Variants in ZNF831 observed in about 807,000 individuals in gnomAD.
ZNF831 encodes the protein chromosome 20 open reading frame 174.
ZNF831 carries 59 observed loss-of-function variants against 95.8 expected under a neutral mutation model. The ratio of observed to expected loss-of-function variants is 0.62; its 90% confidence interval spans 0.50 to 0.77. The LOEUF is 0.77. Among genes scored for constraint, ZNF831 ranks in the 30% least tolerant of loss-of-function variants. ZNF831 has a pLI of 0.00. For missense variants in ZNF831, 2,205 were observed against 2,164.0 expected, an observed-to-expected ratio of 1.02 and a Z score of -0.38; for synonymous variants, 961 against 925.5, an observed-to-expected ratio of 1.04 and a Z score of -0.70.
chr20:59,165,874 T>C (rs1204866724), intron 1 of ZNF831, among the ~76,000 whole-genome samples: 1 of 152,130 alleles, frequency 6.6e-6, no homozygotes, highest in South Asian at 2.1e-4. Flanking sequence ...CTCAGCCTCC[T>C]GAGTAGCTGG....
intron 1 of ZNF831, among the ~76,000 whole-genome samples, chr20:59,125,943 G>A (rs1979158833): frequency 6.6e-6 from 1 of 152,120 alleles, no homozygotes. Context: ...CACCAGGTGG[G>A]TGCAACGAGA....
In ZNF831 at chr20:59,173,343, C is replaced by T. The variant is rs1981889845; in HGVS notation, c.-37+9136C>T. Among the ~76,000 whole-genome samples the T allele has an allele frequency of 2.6e-5, 4 of 152,306 alleles. No individual in the cohort carries two copies. In the South Asian group the frequency reaches 8.3e-4, roughly 32 times the overall value. ...TTTGTTTGATTTTCAGCAACATCAG[C>T]CCTGTGGCTACAAAAATGAGACATT... On this transcript the variant is annotated intron_variant, in intron 1 of 5. Coordinates refer to ENST00000371030, the MANE Select transcript of ZNF831 (RefSeq NM_178457.3).
chr20:59,156,227 G>C (rs948621026), intron 2 of ZNF831, among the ~76,000 whole-genome samples: 1 of 152,144 alleles, frequency 6.6e-6, no homozygotes, highest in African/African-American at 2.4e-5. Context: ...ATGATCTACT[G>C]TCTTAGAAAA....
intron 1 of ZNF831, among the ~76,000 whole-genome samples, chr20:59,174,695 T>C (rs1413322757): frequency 1.3e-5 from 2 of 151,646 alleles, no homozygotes; most frequent in Admixed American, 6.6e-5. Context: ...GTATGTGCAC[T>C]CCAGCCTGGG....
intron 1 of ZNF831, among the ~76,000 whole-genome samples, chr20:59,167,734 T>C (rs544614243): frequency 2.0e-5 from 3 of 152,280 alleles, no homozygotes; most frequent in African/African-American, 7.2e-5. Flanking sequence ...ACACTCTCTC[T>C]ACAGAACTGC....
In ZNF831 at chr20:59,257,284, C is replaced by T. The variant is rs1988230220; in HGVS notation, c.*2541C>T. 6.6e-6 allele frequency: 1 copy of T among 152,128 alleles called. No homozygotes were observed. The highest frequency in any genetic ancestry group is 6.5e-5 in the Admixed American group (1 of 15,278). The allele number at this position is 152,128 out of a possible 1,614,324, so 9.4% of individuals were successfully genotyped here. On this transcript the variant is annotated 3_prime_UTR_variant, in exon 6 of 6. Transcript: ENST00000371030. ...GTGGCTGGCAATGTTTACAAGTGTA[C>T]CTTACTTTATATCAACATGAATTTG...
chr20:59,220,205 T>C (rs1327160139), intron 4 of ZNF831, among the ~76,000 whole-genome samples: 1 of 152,160 alleles, frequency 6.6e-6, no homozygotes, highest in African/African-American at 2.4e-5. Flanking sequence ...CTGGAACCAG[T>C]AGCCAAATAG....
chr20:59,206,213 A>G (rs1984883898), intron 3 of ZNF831, among the ~76,000 whole-genome samples: 1 of 151,504 alleles, frequency 6.6e-6, no homozygotes, highest in Non-Finnish European at 1.5e-5. Context: ...CTAGATGAAA[A>G]TAAATATAAA....
chr20:59,193,696 G>C lies in ZNF831; in HGVS notation c.2677G>C (p.Ala893Pro). The change falls in exon 2 of 6, where the codon GCC becomes CCC. Residue 893 changes from alanine to proline, a missense_variant. Physicochemically the swap from Ala to Pro is conservative, Grantham distance 27 (BLOSUM62 -1). Coordinates refer to ENST00000371030, the MANE Select transcript of ZNF831 (RefSeq NM_178457.3). ...AGCCTCCTTGGCTGCTGCTTCTGTT[G>C]CCCTGAAGAGGGTGGGGCCAAGGGA... ...SGASLAAASV[A>P]LKRVGPRDKA... 1 of 1,612,926 alleles carries C rather than the reference G, an allele frequency of 6.2e-7. No homozygotes were observed. Among genetic ancestry groups the C allele is most frequent in the Non-Finnish European group, 8.5e-7 (1 of 1,179,680 alleles).
chr20:59,177,576 G>A (rs1413657218), intron 1 of ZNF831, among the ~76,000 whole-genome samples: 1 of 152,236 alleles, frequency 6.6e-6, no homozygotes, highest in East Asian at 1.9e-4. Flanking sequence ...TTGGTATACA[G>A]TAGACCAGTA....
intron 1 of ZNF831, among the ~76,000 whole-genome samples, chr20:59,165,605 C>A (rs1469220656): frequency 1.3e-5 from 2 of 152,136 alleles, no homozygotes; most frequent in Non-Finnish European, 2.9e-5. Context: ...GCAGGGAAGG[C>A]TGAGTTATGC....
At chr20:59,231,130 T>C (rs1986698745) in intron 4 of ZNF831, among the ~76,000 whole-genome samples, 1 of 152,220 alleles carries the variant, frequency 6.6e-6, no homozygotes, top group Non-Finnish European at 1.5e-5. Flanking sequence ...GCGGTGGATA[T>C]TGCATGTATC....
At chr20:59,223,381 A>G (rs1439980513) in intron 4 of ZNF831, among the ~76,000 whole-genome samples, 2 of 152,186 alleles carry the variant, frequency 1.3e-5, no homozygotes, top group Non-Finnish European at 2.9e-5. Flanking sequence ...GCTTGCAGAC[A>G]CACTGGTTCT....
At chr20:59,248,500 C>T (rs1029822221) in intron 4 of ZNF831, among the ~76,000 whole-genome samples, 2 of 152,202 alleles carry the variant, frequency 1.3e-5, no homozygotes, top group Non-Finnish European at 2.9e-5. Context: ...AGTGGATTTT[C>T]TTCCTTTACT....
At chr20:59,132,828 G>A (rs1449655235) in intron 1 of ZNF831, among the ~76,000 whole-genome samples, 3 of 152,256 alleles carry the variant, frequency 2.0e-5, no homozygotes, top group East Asian at 1.9e-4. Context: ...TTGCTGGCCC[G>A]GGTGAGCTGT....
At chr20:59,180,525 C>T (rs112240332) in intron 1 of ZNF831, among the ~76,000 whole-genome samples, 124 of 152,212 alleles carry the variant, frequency 8.1e-4, no homozygotes, top group African/African-American at 2.8e-3. Context: ...CCCCTTCCCC[C>T]CCGGCAACCC....
chr20:59,251,881 G>C (rs1987906815), intron 4 of ZNF831, among the ~76,000 whole-genome samples: 1 of 152,350 alleles, frequency 6.6e-6, no homozygotes, highest in Non-Finnish European at 1.5e-5. Context: ...ACAAGATTCA[G>C]TGCTGACAGG....
intron 3 of ZNF831, among the ~76,000 whole-genome samples, chr20:59,206,635 A>C (rs1321009797): frequency 6.6e-6 from 1 of 152,244 alleles, no homozygotes; most frequent in Non-Finnish European, 1.5e-5. Context: ...TGCAGCAACT[A>C]TCCTTGACTA....
intron 2 of ZNF831, among the ~76,000 whole-genome samples, chr20:59,148,629 G>A (rs1404030283): frequency 8.2e-6 from 1 of 122,004 alleles, no homozygotes. Context: ...GCAGTGAGTC[G>A]AGATCGCGCC....
Sources: allele counts gnomAD v4.1 joint callset (sites outside exome capture counted in the v4.1 genomes callset), GRCh38; gene constraint gnomAD v4.1.1; transcripts MANE v1.5; gene names NCBI Gene and HGNC (gene_info 2026-07-23, HGNC 2026-07-21).